JAG2: variants seen among roughly 807,000 people sequenced by gnomAD.
JAG2 encodes protein jagged-2.
A neutral mutation model predicts 141.7 loss-of-function variants in JAG2; 46 were observed. The observed-to-expected ratio is 0.32, with a 90% CI of 0.26 to 0.42. The LOEUF is 0.42. JAG2 is among the 10% of genes least tolerant of loss of function. JAG2 has a pLI of 1.00. For missense variants in JAG2, 1,500 were observed against 1,817.5 expected, an observed-to-expected ratio of 0.83 and a Z score of 3.18; for synonymous variants, 862 against 763.5, an observed-to-expected ratio of 1.13 and a Z score of -2.13.
intron 2 of JAG2, among the ~76,000 whole-genome samples, chr14:105,166,029 G>A (rs1858838389): frequency 6.6e-6 from 1 of 152,354 alleles, no homozygotes; most frequent in Middle Eastern, 3.4e-3. Flanking sequence ...GACCAGGGCT[G>A]CCCCCAAACA....
At chr14:105,162,081 C>T (rs186977119) in intron 2 of JAG2, among the ~76,000 whole-genome samples, 75 of 152,184 alleles carry the variant, frequency 4.9e-4, no homozygotes, top group African/African-American at 1.5e-3. Context: ...GGGCAATAGG[C>T]GATGTGTGGG....
At chr14:105,146,042 G>C in intron 22 of JAG2, 69 bp from the exon 23 acceptor site, 1 of 1,555,222 alleles carries the variant, frequency 6.4e-7, no homozygotes, top group Non-Finnish European at 8.6e-7. Context: ...ACACAGATGA[G>C]AACCCACAGG....
At chr14:105,157,032 C>A (rs1210130100) in intron 3 of JAG2, among the ~76,000 whole-genome samples, 1 of 152,172 alleles carries the variant, frequency 6.6e-6, no homozygotes, top group Non-Finnish European at 1.5e-5. Context: ...CTTCTGAGAG[C>A]CCCTCTCACC....
intron 2 of JAG2, among the ~76,000 whole-genome samples, chr14:105,162,278 T>G (rs1456420547): frequency 6.6e-6 from 1 of 151,978 alleles, no homozygotes; most frequent in East Asian, 1.9e-4. Flanking sequence ...AAGCCCGGCC[T>G]GACCCACCCC....
In JAG2 at chr14:105,142,611, T is replaced by C. The variant is rs1595169903; in HGVS notation, c.*84A>G. On this transcript the variant is annotated 3_prime_UTR_variant, in exon 26 of 26. Coordinates refer to ENST00000331782, the MANE Select transcript of JAG2 (RefSeq NM_002226.5). ...TTTTTTACACAAAATAAAGAAACTATGCACATGGCCTCGGCCTCCGGGTCC... is the reference window on the plus strand; with the variant it reads ...TTTTTTACACAAAATAAAGAAACTACGCACATGGCCTCGGCCTCCGGGTCC... 1.0e-6 allele frequency: 1 copy of C among 966,660 alleles called. No individual in the cohort carries two copies. The highest frequency in any genetic ancestry group is 1.5e-6 in the Non-Finnish European group (1 of 648,484). The allele number at this position is 966,660 out of a possible 1,614,324, so 59.9% of individuals were successfully genotyped here.
chr14:105,153,120 C>T (rs960215794), intron 5 of JAG2, among the ~76,000 whole-genome samples: 4 of 152,260 alleles, frequency 2.6e-5, no homozygotes, highest in East Asian at 3.9e-4. Context: ...TAGAACTCTC[C>T]GGTCCTGCAG....
At position 105,150,874 on chromosome 14, in the gene JAG2, G is replaced by A. The variant is rs1260866213; in HGVS notation, c.1419C>T (p.Gly473=). 2 of 1,587,514 alleles carry A rather than the reference G, an allele frequency of 1.3e-6. No homozygotes were observed. Among genetic ancestry groups the A allele is most frequent in the South Asian group, 1.1e-5 (1 of 87,736 alleles). Residue 473 remains glycine (G), a synonymous_variant, in exon 11 of 26, where the codon GGC becomes GGT. Coordinates refer to ENST00000331782, the MANE Select transcript of JAG2 (RefSeq NM_002226.5). ...NDCRGQCQHG[G]TCKDLVNGYQ... ...CCTGGCCCCGCCTCACCTTGCAGGT[G>A]CCCCCATGCTGACACTGCCCGCGAC...
rs1381052440 is a variant in JAG2 at position 105,155,590 on chromosome 14, C to T, written c.760G>A (p.Gly254Arg). The T allele has an allele frequency of 6.2e-7, 1 of 1,612,902 alleles. No homozygotes were observed. The highest frequency in any genetic ancestry group is 8.5e-7 in the Non-Finnish European group (1 of 1,179,970). ...CACTCCCCAGGCACGGTGCATCCCC[C>T]GTGGAGCAAATTACACCCTTGTTTA... ...VCKQGCNLLH[G>R]GCTVPGECRC... Residue 254 changes from glycine to arginine, a missense_variant, in exon 5 of 26, where the codon GGG becomes AGG. Coordinates refer to ENST00000331782, the MANE Select transcript of JAG2 (RefSeq NM_002226.5).
intron 20 of JAG2, 56 bp from the exon 21 acceptor site, chr14:105,146,780 C>T (rs587711521): frequency 2.2e-5 from 31 of 1,392,056 alleles, no homozygotes; most frequent in Middle Eastern, 1.8e-4. Flanking sequence ...ACCGCAGGAC[C>T]GGCATGGCCT....
intron 15 of JAG2, 77 bp downstream of exon 15, chr14:105,148,668 A>G: frequency 7.7e-7 from 1 of 1,290,438 alleles, no homozygotes; most frequent in Non-Finnish European, 1.1e-6. Flanking sequence ...GCACCCAGAC[A>G]GCGGTCCATC....
At chr14:105,153,108 C>T (rs1426876969) in intron 5 of JAG2, among the ~76,000 whole-genome samples, 3 of 152,180 alleles carry the variant, frequency 2.0e-5, no homozygotes, top group Non-Finnish European at 4.4e-5. Context: ...GGGGGCCCTT[C>T]CTAGAACTCT....
At chr14:105,152,101 G>T in intron 6 of JAG2, 44 bp from the exon 7 acceptor site, 1 of 1,613,158 alleles carries the variant, frequency 6.2e-7, no homozygotes, top group Non-Finnish European at 8.5e-7. Flanking sequence ...CCGGCCCCCC[G>T]CTCCCCCACA....
At position 105,153,615 on chromosome 14, in the gene JAG2, T is replaced by TG. The variant is rs780977794; in HGVS notation, c.789-1325dup. Among the ~76,000 whole-genome samples, 6 of 151,816 alleles carry TG rather than the reference T, an allele frequency of 4.0e-5. No homozygotes were observed. In the East Asian group the frequency reaches 9.7e-4, roughly 25 times the overall value. On this transcript the variant is annotated intron_variant, in intron 5 of 25. Transcript: ENST00000331782. ...GCATGGCCATCTCCGCAGCATCCGGTGGGGGGGCGTCCTGCACTGGAACCT... is the reference window on the plus strand; with the variant it reads ...GCATGGCCATCTCCGCAGCATCCGGTGGGGGGGGCGTCCTGCACTGGAACCT...
chr14:105,143,061 C>T lies in JAG2; in HGVS notation c.3351G>A (p.Arg1117=). 4 of 1,602,276 alleles carry T rather than the reference C, an allele frequency of 2.5e-6. No individual in the cohort carries two copies. The highest frequency in any genetic ancestry group is 2.5e-6 in the Non-Finnish European group (3 of 1,179,646). The change falls in exon 26 of 26, where the codon CGG becomes CGA. Residue 1117 remains arginine, a synonymous_variant. Coordinates refer to ENST00000331782, the MANE Select transcript of JAG2 (RefSeq NM_002226.5). ...RKRRKERERS[R]LPREESANNQ... is the part of the protein sequence containing the mutation. Reference sequence around the variant, plus strand: ...TGTTGGCGCTCTCCTCCCGCGGCAGCCGGCTCCTCTCCCGCTCTTTCCTGC... The same window carrying T: ...TGTTGGCGCTCTCCTCCCGCGGCAGTCGGCTCCTCTCCCGCTCTTTCCTGC...
Position 105,168,490 on chromosome 14 carries a change from C to G in JAG2, c.-70G>C. 2.8e-6 allele frequency: 1 copy of G among 361,572 alleles called. No homozygotes were observed. Among genetic ancestry groups the G allele is most frequent in the Non-Finnish European group, 3.8e-6 (1 of 262,310 alleles). 22.4% of individuals were successfully genotyped at this position (361,572 alleles called of 1,614,324 possible). A position where few individuals can be genotyped will look rare whatever the true frequency, so the allele number is the denominator to read the frequency against. The stretch of plus-strand genomic sequence containing the variant: ...CCCGGCTCCCAGCCGCCGCGCCGGC[C>G]TCCCAGCGCCCGCCCGCCCTCCGAG... On this transcript the variant is annotated 5_prime_UTR_variant, in exon 1 of 26. Transcript: ENST00000331782.
intron 5 of JAG2, among the ~76,000 whole-genome samples, chr14:105,153,580 C>T (rs990782056): frequency 1.4e-4 from 21 of 152,156 alleles, no homozygotes; most frequent in Non-Finnish European, 1.0e-4. Context: ...GGAGAGGCGG[C>T]GGCAGGAAGG....
Position 105,148,110 on chromosome 14 carries a change from C to T in JAG2, c.2248+6G>A. The T allele has an allele frequency of 6.5e-7, 1 of 1,544,472 alleles. No homozygotes were observed. On this transcript the variant is annotated splice_donor_region_variant and intron_variant, in intron 17 of 25. Coordinates refer to ENST00000331782, the MANE Select transcript of JAG2 (RefSeq NM_002226.5). The stretch of plus-strand genomic sequence containing the variant: ...GGCGGTCGCAGAGGCAGCGGGGGCT[C>T]CTCACCGACGGCGCAGGTGCTGCCC...
intron 2 of JAG2, among the ~76,000 whole-genome samples, chr14:105,166,332 G>A (rs1160850117): frequency 1.3e-5 from 2 of 152,262 alleles, no homozygotes; most frequent in Admixed American, 1.3e-4. Context: ...TCCTCAGGTA[G>A]CGATGTGGGG....
At position 105,167,837 on chromosome 14, in the gene JAG2, C is replaced by T. The variant is rs2141000110; in HGVS notation, c.337G>A (p.Asp113Asn). ...FYLPPAGAAG[D>N]RARARARAGG... ...GCCCGGGCCCGCGCCCGCGCTCGGT[C>T]CCCCGCAGCGCCCGCCGGCGGCAGG... The change falls in exon 2 of 26, where the codon GAC becomes AAC. Residue 113 changes from aspartate to asparagine, a missense_variant. Around this residue, in one of 3 missense-constraint regions of JAG2, gnomAD observed 200 missense variants for 174.3 expected, o/e 1.15. Transcript: ENST00000331782. The surrounding 1 kb of genome is among the most constrained non-coding windows in gnomAD (Gnocchi z 4.8). The T allele has an allele frequency of 2.0e-6, 3 of 1,499,186 alleles. No individual in the cohort carries two copies. The highest frequency in any genetic ancestry group is 2.5e-5 in the South Asian group (2 of 80,042). The allele number at this position is 1,499,186 out of a possible 1,614,324, so 92.9% of individuals were successfully genotyped here. A position where few individuals can be genotyped will look rare whatever the true frequency, so the allele number is the denominator to read the frequency against.
Sources: gnomAD v4.1 joint callset for allele counts (sites outside exome capture counted in the v4.1 genomes callset) on GRCh38, gnomAD v4.1.1 for gene constraint, gnomAD v4.1.1 regional missense constraint, Gnocchi (gnomAD v3.1) non-coding constraint, MANE v1.5 for transcripts, NCBI Gene and HGNC (gene_info 2026-07-23, HGNC 2026-07-21) for gene names.